Variants in AGAP1 observed in about 807,000 individuals in gnomAD.
AGAP1 encodes the protein ArfGAP with GTPase domain, ankyrin repeat and PH domain 1, also known as arf-GAP with GTPase, ANK repeat and PH domain-containing protein 1.
AGAP1 carries 29 observed loss-of-function variants against 105.3 expected under a neutral mutation model. The observed-to-expected ratio is 0.28, with a 90% CI of 0.21 to 0.38. The LOEUF is 0.38. Ranked by LOEUF, AGAP1 falls within the 10% of genes least tolerant of loss-of-function variation. The pLI, the probability that AGAP1 is intolerant of heterozygous loss-of-function variation, is 1.00. For synonymous variants in AGAP1, 509 were observed against 485.9 expected (o/e 1.05, Z -0.63); for missense variants, 998 against 1,165.1 (o/e 0.86, Z 2.09).
chr2:236,108,746 T>C (rs1252661862), intron 16 of AGAP1, among the ~76,000 whole-genome samples: 1 of 152,024 alleles, frequency 6.6e-6, no homozygotes, highest in Non-Finnish European at 1.5e-5. Flanking sequence ...AGGCTGAGGA[T>C]GAAACCACCA....
In AGAP1 at chr2:236,047,598, C is replaced by CTTTTTTTTTTTTTTTTTTT. The variant is rs59007077; in HGVS notation, c.1892-1457_1892-1439dup. On this transcript the variant is annotated intron_variant, in intron 15 of 17. Transcript: ENST00000304032. ...GTCACAGACCTCTCTTCTCACATTT[C>CTTTTTTTTTTTTTTTTTTT]TTTTTTTTTTTTTTTTTTTTTTGAG... Among the ~76,000 whole-genome samples the CTTTTTTTTTTTTTTTTTTT allele has an allele frequency of 2.9e-5, 2 of 68,286 alleles. 1 individual carries two copies. Among genetic ancestry groups the CTTTTTTTTTTTTTTTTTTT allele is most frequent in the African/African-American group, 1.4e-4 (2 of 14,154 alleles). The allele number at this position is 68,286 out of a possible 152,430, so 44.8% of individuals were successfully genotyped here.
Position 236,000,742 on chromosome 2 carries a change from G to A in AGAP1, c.1645+32119G>A, listed in dbSNP as rs569586520. 9.2e-5 allele frequency among the ~76,000 whole-genome samples: 14 copies of A among 152,308 alleles called. No individual in the cohort carries two copies. The highest frequency in any genetic ancestry group is 2.6e-4 in the African/African-American group (11 of 41,580). The stretch of plus-strand genomic sequence containing the variant: ...CAGCCCCGATGGTGTGGCGGGGCAG[G>A]TACTAGAGATTGTGTTTGCAGTGAG... On this transcript the variant is annotated intron_variant, in intron 13 of 17. Coordinates refer to ENST00000304032, the MANE Select transcript of AGAP1 (RefSeq NM_001037131.3). This position sits in a 1 kb window ranked among gnomAD's most constrained non-coding sequence, Gnocchi z 4.3.
chr2:235,798,424 T>C (rs1957340658), intron 7 of AGAP1, among the ~76,000 whole-genome samples: 1 of 152,254 alleles, frequency 6.6e-6, no homozygotes, highest in South Asian at 2.1e-4. Context: ...ACTTTGTTTT[T>C]GTCTGTGCTT....
Position 236,120,715 on chromosome 2 carries a change from A to G in AGAP1, c.2370+268A>G, listed in dbSNP as rs920945912. Among the ~76,000 whole-genome samples, 1 of 151,934 alleles carries G rather than the reference A, an allele frequency of 6.6e-6. No homozygotes were observed. Among genetic ancestry groups the G allele is most frequent in the African/African-American group, 2.4e-5 (1 of 41,374 alleles). ...GGGTTGGTGCTATCCCTCTTTTTTC[A>G]TTTCCATCATCTTCTGGAGAGAAGG... is the stretch of plus-strand genomic sequence containing the variant. On this transcript the variant is annotated intron_variant, in intron 17 of 17. Transcript: ENST00000304032. The surrounding 1 kb of genome is among the most constrained non-coding windows in gnomAD (Gnocchi z 6.0).
chr2:235,917,996 G>C (rs1460998739), intron 11 of AGAP1, among the ~76,000 whole-genome samples: 1 of 152,180 alleles, frequency 6.6e-6, no homozygotes, highest in Admixed American at 6.5e-5. Flanking sequence ...GTTTTTCTTT[G>C]TTTAGTTTCA....
Position 235,569,293 on chromosome 2 carries a change from C to T in AGAP1, c.163+74444C>T, listed in dbSNP as rs1011045499. ...TCACGCCATTGCACTCCAGCCTGGG[C>T]GACAGAGCGAGACACCATCTCAAAA... On this transcript the variant is annotated intron_variant, in intron 1 of 17. Transcript: ENST00000304032. This position sits in a 1 kb window ranked among gnomAD's most constrained non-coding sequence, Gnocchi z 5.9. Among the ~76,000 whole-genome samples the T allele has an allele frequency of 1.3e-4, 20 of 152,172 alleles. No individual in the cohort carries two copies. Among genetic ancestry groups the T allele is most frequent in the African/African-American group, 2.2e-4 (9 of 41,514 alleles).
rs1380208568 is a variant in AGAP1 at position 235,969,579 on chromosome 2, ATACTC to A, written c.1645+961_1645+965del. Among the ~76,000 whole-genome samples, 6 of 152,056 alleles carry A rather than the reference ATACTC, an allele frequency of 3.9e-5. No homozygotes were observed. In the South Asian group the frequency reaches 6.2e-4, roughly 16 times the overall value. Reference sequence around the variant, plus strand: ...TCTATGGCTGCCATGCTTTTTCCAGATACTCTACTTGATCGAGGGTTCAAACCTGC... The same window carrying A: ...TCTATGGCTGCCATGCTTTTTCCAGATACTTGATCGAGGGTTCAAACCTGC... On this transcript the variant is annotated intron_variant, in intron 13 of 17. Transcript: ENST00000304032.
rs76190566 is a variant in AGAP1, at chr2:235,805,999, A to C, written c.958-1240A>C. 5.0e-3 allele frequency among the ~76,000 whole-genome samples: 769 copies of C among 152,308 alleles called. 36 individuals carry two copies. In the East Asian group the frequency reaches 0.081, roughly 16 times the overall value. On this transcript the variant is annotated intron_variant, in intron 8 of 17. Coordinates refer to ENST00000304032, the MANE Select transcript of AGAP1 (RefSeq NM_001037131.3). ...TTTGAAGTGCTAGATCTGAGTTTCC[A>C]TCATGGGAACTGTTCTCCTTGTCCT... is the stretch of plus-strand genomic sequence containing the variant.
chr2:235,547,742 C>T (rs1012295208), intron 1 of AGAP1, among the ~76,000 whole-genome samples: 4 of 152,214 alleles, frequency 2.6e-5, no homozygotes, highest in Admixed American at 6.5e-5. Context: ...GTCTGCCCTC[C>T]TCAGCCTCCC....
intron 9 of AGAP1, among the ~76,000 whole-genome samples, chr2:235,880,267 C>T (rs1308031480): frequency 2.6e-5 from 4 of 152,014 alleles, no homozygotes; most frequent in African/African-American, 7.2e-5. Context: ...ACGAAAGTAC[C>T]TCCCACACGC....
rs1951510900 is a variant in AGAP1, at chr2:235,723,802, G to A, written c.310+6158G>A. Among the ~76,000 whole-genome samples, 1 of 151,790 alleles carries A rather than the reference G, an allele frequency of 6.6e-6. No individual in the cohort carries two copies. The highest frequency in any genetic ancestry group is 2.4e-5 in the African/African-American group (1 of 41,146). On this transcript the variant is annotated intron_variant, in intron 3 of 17. Transcript: ENST00000304032. This position sits in a 1 kb window ranked among gnomAD's most constrained non-coding sequence, Gnocchi z 6.2. ...GGTTGGTTGGTTGGTTGGTTGGTTG[G>A]TCGATCGACAGAGACTTAAGAATGT...
In AGAP1 at chr2:235,793,903, G is replaced by T. The variant is rs575111169; in HGVS notation, c.674-3856G>T. ...ATAGAATAGAACATTTACAGTTTGT[G>T]GATAAAGTAAATGTATACCTCACTT... On this transcript the variant is annotated intron_variant, in intron 6 of 17. Coordinates refer to ENST00000304032, the MANE Select transcript of AGAP1 (RefSeq NM_001037131.3). This position sits in a 1 kb window ranked among gnomAD's most constrained non-coding sequence, Gnocchi z 5.3. Among the ~76,000 whole-genome samples the T allele has an allele frequency of 1.3e-4, 20 of 152,250 alleles. 1 individual carries two copies. The South Asian group carries it at 3.9e-3, about 30-fold the overall frequency.
At chr2:235,832,629 C>G (rs1361639630) in intron 9 of AGAP1, among the ~76,000 whole-genome samples, 1 of 152,226 alleles carries the variant, frequency 6.6e-6, no homozygotes. Context: ...CTGTGAAGTT[C>G]TTATGAATGA....
intron 4 of AGAP1, among the ~76,000 whole-genome samples, chr2:235,742,049 G>A (rs1002655510): frequency 1.3e-5 from 2 of 152,120 alleles, no homozygotes; most frequent in East Asian, 1.9e-4. Flanking sequence ...CACCGCGCCC[G>A]ACCCATTTAA....
In AGAP1 at chr2:235,970,206, TA is replaced by T. The variant is rs35825564; in HGVS notation, c.1645+1605del. Among the ~76,000 whole-genome samples the T allele has an allele frequency of 0.5, 58,333 of 117,822 alleles. 14,023 individuals are homozygous for T. The highest frequency in any genetic ancestry group is 0.7 in the South Asian group (2,216 of 3,176). 77.3% of individuals were successfully genotyped at this position (117,822 alleles called of 152,430 possible). On this transcript the variant is annotated intron_variant, in intron 13 of 17. Transcript: ENST00000304032. This position sits in a 1 kb window ranked among gnomAD's most constrained non-coding sequence, Gnocchi z 5.4. Reference sequence around the variant, plus strand: ...GGGCGACAGAGTGAGACTCTGTCTTTAAAAAAAAAAAAAAAAAAAAAAGACG... The same window carrying T: ...GGGCGACAGAGTGAGACTCTGTCTTTAAAAAAAAAAAAAAAAAAAAAGACG...
intron 1 of AGAP1, among the ~76,000 whole-genome samples, chr2:235,696,781 C>T (rs147762647): frequency 2.0e-5 from 3 of 152,040 alleles, no homozygotes; most frequent in East Asian, 1.9e-4. Context: ...CCACCTTATA[C>T]GAGACCATCC....
At position 236,058,893 on chromosome 2, in the gene AGAP1, G is replaced by A. The variant is rs1048602344; in HGVS notation, c.2114+9612G>A. On this transcript the variant is annotated intron_variant, in intron 16 of 17. Transcript: ENST00000304032. The surrounding 1 kb of genome is among the most constrained non-coding windows in gnomAD (Gnocchi z 4.6). ...ATGTGCAAAACTCTTAGCTGGCCAT[G>A]GTGGCACAGTTCTGTAGTCCCAGCT... Among the ~76,000 whole-genome samples, 1 of 152,172 alleles carries A rather than the reference G, an allele frequency of 6.6e-6. No homozygotes were observed. The highest frequency in any genetic ancestry group is 1.5e-5 in the Non-Finnish European group (1 of 68,036).
intron 6 of AGAP1, among the ~76,000 whole-genome samples, chr2:235,797,368 C>A (rs902757234): frequency 6.6e-6 from 1 of 152,048 alleles, no homozygotes; most frequent in South Asian, 2.1e-4. Context: ...CTCCTGTTCC[C>A]AGTGTCGCCT....
intron 1 of AGAP1, among the ~76,000 whole-genome samples, chr2:235,510,796 G>A (rs976337091): frequency 1.3e-5 from 2 of 151,980 alleles, no homozygotes; most frequent in African/African-American, 4.8e-5. Context: ...GAGGGGGGTG[G>A]GAGGCTATAG....
Sources: allele counts gnomAD v4.1 joint callset (sites outside exome capture counted in the v4.1 genomes callset), GRCh38; gene constraint gnomAD v4.1.1; non-coding constraint Gnocchi (gnomAD v3.1); transcripts MANE v1.5; gene names NCBI Gene and HGNC (gene_info 2026-07-23, HGNC 2026-07-21).